The following CCDC91 variants were observed in gnomAD, a reference collection of about 807,000 sequenced individuals.
CCDC91 encodes the protein coiled-coil domain-containing protein 91.
Under a neutral mutation model 63.2 loss-of-function variants are expected in CCDC91, and 48 were observed. The observed-to-expected ratio is 0.76, with a 90% CI of 0.60 to 0.97. CCDC91 has a LOEUF of 0.97. Ranked by LOEUF, CCDC91 falls within the 50% of genes least tolerant of loss-of-function variation. CCDC91 has a pLI of 0.00. For missense variants in CCDC91, 500 were observed against 494.6 expected, an observed-to-expected ratio of 1.01 and a Z score of -0.10; for synonymous variants, 167 against 165.8, an observed-to-expected ratio of 1.01 and a Z score of -0.06.
At chr12:28,228,189 C>A (rs1944388581) in intron 1 of CCDC91, among the ~76,000 whole-genome samples, 1 of 152,010 alleles carries the variant, frequency 6.6e-6, no homozygotes, top group African/African-American at 2.4e-5. Flanking sequence ...ATACTATGTG[C>A]TTTATAAACC....
chr12:28,470,171 T>G (rs1189576591), intron 11 of CCDC91, among the ~76,000 whole-genome samples: 1 of 152,040 alleles, frequency 6.6e-6, no homozygotes, highest in Non-Finnish European at 1.5e-5. Flanking sequence ...AGAAAATATT[T>G]GCAAACAACC....
chr12:28,331,927 T>C (rs1482675502), intron 6 of CCDC91, among the ~76,000 whole-genome samples: 2 of 152,194 alleles, frequency 1.3e-5, no homozygotes, highest in Non-Finnish European at 2.9e-5. Context: ...CAATGTGAGA[T>C]GTGATACATT....
chr12:28,219,279 A>G (rs1419661188), intron 1 of CCDC91, among the ~76,000 whole-genome samples: 1 of 152,102 alleles, frequency 6.6e-6, no homozygotes, highest in African/African-American at 2.4e-5. Context: ...TTTACCAATA[A>G]AAAATTAGGT....
At chr12:28,500,878 A>G (rs1937741895) in intron 12 of CCDC91, among the ~76,000 whole-genome samples, 1 of 151,670 alleles carries the variant, frequency 6.6e-6, no homozygotes, top group African/African-American at 2.4e-5. Flanking sequence ...TCAATCTGTT[A>G]GAGTCTGATA....
chr12:28,331,263 C>A (rs561289610), intron 6 of CCDC91, among the ~76,000 whole-genome samples: 3 of 152,168 alleles, frequency 2.0e-5, no homozygotes, highest in Non-Finnish European at 4.4e-5. Flanking sequence ...ACAATCTTAA[C>A]GCCATGCTTG....
At chr12:28,503,765 A>T (rs1207069345) in intron 12 of CCDC91, among the ~76,000 whole-genome samples, 1 of 152,188 alleles carries the variant, frequency 6.6e-6, no homozygotes, top group Non-Finnish European at 1.5e-5. Flanking sequence ...ATAAAAAATG[A>T]TGAGTTCATG....
intron 6 of CCDC91, among the ~76,000 whole-genome samples, chr12:28,338,865 G>A (rs1250356542): frequency 6.6e-6 from 1 of 151,944 alleles, no homozygotes; most frequent in Admixed American, 6.5e-5. Context: ...TTTTGAGACG[G>A]ACTCTCGCTC....
At chr12:28,490,892 A>T (rs1951963834) in intron 12 of CCDC91, among the ~76,000 whole-genome samples, 1 of 149,966 alleles carries the variant, frequency 6.7e-6, no homozygotes, top group African/African-American at 2.5e-5. Context: ...GGACAATCAC[A>T]CACTTTGGTG....
At chr12:28,280,551 T>G (rs1948536123) in intron 3 of CCDC91, among the ~76,000 whole-genome samples, 2 of 152,134 alleles carry the variant, frequency 1.3e-5, no homozygotes, top group African/African-American at 4.8e-5. Flanking sequence ...ATAGTCTATA[T>G]GTCTATAATG....
chr12:28,429,979 G>A (rs554530884), intron 8 of CCDC91, among the ~76,000 whole-genome samples: 3 of 151,744 alleles, frequency 2.0e-5, no homozygotes, highest in African/African-American at 7.3e-5. Context: ...CATTCTGTAT[G>A]GTACATTTCA....
In CCDC91 at chr12:28,220,454, TG is replaced by T. The variant is rs376105378; in HGVS notation, c.-15+29814del. ...TACATATTCTATAAAGCCAACAATA[TG>T]TTTTTTAAATTATTACTTTATATAT... is the stretch of plus-strand genomic sequence containing the variant. On this transcript the variant is annotated intron_variant, in intron 1 of 12. Coordinates refer to ENST00000536442, the MANE Select transcript of CCDC91 (RefSeq NM_018318.5). 6.6e-3 allele frequency among the ~76,000 whole-genome samples: 1,010 copies of T among 152,194 alleles called. 7 individuals carry two copies. The highest frequency in any genetic ancestry group is 0.065 in the Middle Eastern group (19 of 294).
chr12:28,522,276 C>T (rs1940768440), intron 12 of CCDC91, among the ~76,000 whole-genome samples: 1 of 152,238 alleles, frequency 6.6e-6, no homozygotes, highest in Non-Finnish European at 1.5e-5. Context: ...TTCGGGGATT[C>T]AACTTCTTCC....
At chr12:28,524,909 G>T (rs948242739) in intron 12 of CCDC91, among the ~76,000 whole-genome samples, 4 of 152,080 alleles carry the variant, frequency 2.6e-5, no homozygotes, top group Admixed American at 1.3e-4. Flanking sequence ...AGCTTTGAAT[G>T]ATGTTTAGTA....
At chr12:28,268,117 G>C (rs1947481068) in intron 3 of CCDC91, among the ~76,000 whole-genome samples, 1 of 149,576 alleles carries the variant, frequency 6.7e-6, no homozygotes. Flanking sequence ...AGGCTGCAGT[G>C]CACTGGCACA....
intron 3 of CCDC91, among the ~76,000 whole-genome samples, chr12:28,289,685 C>CTTTTTTTTTTTTTT (rs75555723): frequency 6.1e-5 from 6 of 98,540 alleles, no homozygotes; most frequent in African/African-American, 2.4e-4. Context: ...CTTTTCTTTT[C>CTTTTTTTTTTTTTT]TTTTTTTTTT....
At chr12:28,360,637 T>A (rs1343981376) in intron 6 of CCDC91, among the ~76,000 whole-genome samples, 2 of 152,250 alleles carry the variant, frequency 1.3e-5, no homozygotes, top group Non-Finnish European at 2.9e-5. Flanking sequence ...TTTAATTTGC[T>A]ATTATTTTCT....
intron 6 of CCDC91, among the ~76,000 whole-genome samples, chr12:28,334,362 G>A (rs993224253): frequency 1.5e-4 from 23 of 152,086 alleles, no homozygotes; most frequent in African/African-American, 4.8e-4. Context: ...AAATATTTAA[G>A]CACCTAATAT....
chr12:28,390,749 G>A (rs1404669918), intron 7 of CCDC91, among the ~76,000 whole-genome samples: 1 of 151,980 alleles, frequency 6.6e-6, no homozygotes. Context: ...TTCACATTAG[G>A]AGCGTGAACT....
At chr12:28,288,131 A>G (rs10843148) in intron 3 of CCDC91, among the ~76,000 whole-genome samples, 25,668 of 152,160 alleles carry the variant, frequency 0.17, 3,174 homozygotes, top group East Asian at 0.55. Context: ...TAGATATAGA[A>G]TCATGTTGTC....
Sources: gnomAD v4.1 joint callset for allele counts (sites outside exome capture counted in the v4.1 genomes callset) on GRCh38, gnomAD v4.1.1 for gene constraint, MANE v1.5 for transcripts, NCBI Gene and HGNC (gene_info 2026-07-23, HGNC 2026-07-21) for gene names.